Variants in WNK2 observed in about 807,000 individuals in gnomAD.
WNK2 encodes the protein WNK lysine deficient protein kinase 2.
WNK2 carries 67 observed loss-of-function variants against 192.1 expected under a neutral mutation model. The observed-to-expected ratio is 0.35, with a 90% confidence interval of 0.29 to 0.43. WNK2 has a LOEUF of 0.43. WNK2 is among the 20% of genes least tolerant of loss of function. The probability of loss-of-function intolerance (pLI) is 1.00; values close to 1 mark genes in which losing one functional copy is unlikely to be tolerated. For synonymous variants in WNK2, 1,439 were observed against 1,393.9 expected (o/e 1.03, Z -0.72); for missense variants, 2,698 against 3,089.7 (o/e 0.87, Z 3.01).
At chr9:93,191,729 G>A (rs1192109846) in intron 2 of WNK2, among the ~76,000 whole-genome samples, 6 of 152,104 alleles carry the variant, frequency 3.9e-5, no homozygotes, top group Non-Finnish European at 7.4e-5. Flanking sequence ...AGATCTGAAG[G>A]TAGAGAAGGT....
intron 19 of WNK2, among the ~76,000 whole-genome samples, chr9:93,288,446 A>G (rs890814006): frequency 1.8e-4 from 27 of 152,230 alleles, no homozygotes; most frequent in African/African-American, 6.5e-4. Flanking sequence ...GAGGGTGTGG[A>G]CAGACAGATG....
rs567054696 is a variant in WNK2 at position 93,232,589 on chromosome 9, C to T, written c.1075+1481C>T. 1.6e-4 allele frequency among the ~76,000 whole-genome samples: 24 copies of T among 152,330 alleles called. No homozygotes were observed. The South Asian group carries it at 4.6e-3, about 29-fold the overall frequency. ...GATCTCCTACTCAGGAGTGAACACT[C>T]CTGGAGGAAGAAGCACAGCCCACTG... is the stretch of plus-strand genomic sequence containing the variant. On this transcript the variant is annotated intron_variant, in intron 4 of 29. Coordinates refer to ENST00000427277, the MANE Select transcript of WNK2 (RefSeq NM_006648.4).
In WNK2 at chr9:93,261,196, TC is replaced by T. The variant is rs1435436327; in HGVS notation, c.3067-616del. Among the ~76,000 whole-genome samples, 5 of 152,292 alleles carry T rather than the reference TC, an allele frequency of 3.3e-5. 1 individual carries two copies. Among genetic ancestry groups the T allele is most frequent in the Middle Eastern group, 6.8e-3 (2 of 294 alleles). ...CAGCAGGCCCAGTGAATGTGGCTGT[TC>T]CTTCCAGCCCTGAGAGGTGAGAAGT... is the stretch of plus-strand genomic sequence containing the variant. On this transcript the variant is annotated intron_variant, in intron 12 of 29. Coordinates refer to ENST00000427277, the MANE Select transcript of WNK2 (RefSeq NM_006648.4).
chr9:93,185,424 C>T lies in WNK2; in HGVS notation c.495C>T (p.Pro165=), dbSNP rs778461286. The T allele has an allele frequency of 3.7e-6, 6 of 1,610,984 alleles. No homozygotes were observed. Among genetic ancestry groups the T allele is most frequent in the South Asian group, 2.2e-5 (2 of 90,854 alleles). Residue 165 remains proline (P), a synonymous_variant, in exon 2 of 30, where the codon CCC becomes CCT. Transcript: ENST00000427277. ...DEGAAEAKPE[P]GRTRRDEPEE... ...GGGCGGCCGAGGCGAAGCCTGAGCC[C>T]GGGCGCACTCGCCGGGACGAGCCCG...
In WNK2 at chr9:93,216,827, A is replaced by AAC. The variant is rs528226187; in HGVS notation, c.682-12868_682-12867insCA. ...TCGGTCTCAAAACAACAACAACAAC[A>AAC]AACAAACAAACAAACAAAACAAAAA... On this transcript the variant is annotated intron_variant, in intron 2 of 29. Coordinates refer to ENST00000427277, the MANE Select transcript of WNK2 (RefSeq NM_006648.4). Among the ~76,000 whole-genome samples, 230 of 142,706 alleles carry AAC rather than the reference A, an allele frequency of 1.6e-3. 3 individuals carry two copies. In the East Asian group the frequency reaches 0.029, roughly 18 times the overall value. 93.6% of individuals were successfully genotyped at this position (142,706 alleles called of 152,430 possible).
intron 2 of WNK2, among the ~76,000 whole-genome samples, chr9:93,197,418 C>G (rs1019891878): frequency 6.6e-6 from 1 of 152,228 alleles, no homozygotes; most frequent in Non-Finnish European, 1.5e-5. Flanking sequence ...CAATTTCAAT[C>G]CAGAACAGTC....
At chr9:93,285,067 T>TTAC (rs1848257743) in intron 19 of WNK2, among the ~76,000 whole-genome samples, 1 of 152,224 alleles carries the variant, frequency 6.6e-6, no homozygotes, top group African/African-American at 2.4e-5. Flanking sequence ...CCTTTTAGCA[T>TTAC]TACTATTTTT....
At chr9:93,195,699 C>CAAAAAAAAAAAAAAAA (rs59357990) in intron 2 of WNK2, among the ~76,000 whole-genome samples, 34 of 41,658 alleles carry the variant, frequency 8.2e-4, no homozygotes, top group African/African-American at 3.4e-3. Context: ...GACTTTGTCT[C>CAAAAAAAAAAAAAAAA]AAAAAAAAAA....
chr9:93,216,566 C>A (rs2131668083), intron 2 of WNK2, among the ~76,000 whole-genome samples: 1 of 152,188 alleles, frequency 6.6e-6, no homozygotes, highest in African/African-American at 2.4e-5. Context: ...GTCGAGGCTG[C>A]AGTGAGCCAT....
chr9:93,210,318 G>T (rs1226071190), intron 2 of WNK2, among the ~76,000 whole-genome samples: 1 of 151,944 alleles, frequency 6.6e-6, no homozygotes, highest in Non-Finnish European at 1.5e-5. Flanking sequence ...AGGGATGGGG[G>T]ACTGGGGCGT....
At chr9:93,189,794 A>G (rs910964288) in intron 2 of WNK2, among the ~76,000 whole-genome samples, 3 of 152,232 alleles carry the variant, frequency 2.0e-5, no homozygotes, top group Non-Finnish European at 4.4e-5. Flanking sequence ...GCCTTAGGCC[A>G]GGGTTTGGGG....
Position 93,229,710 on chromosome 9 carries a change from C to T in WNK2, c.696C>T (p.Thr232=). 6.2e-7 allele frequency: 1 copy of T among 1,613,162 alleles called. No individual in the cohort carries two copies. The change falls in exon 3 of 30, where the codon ACC becomes ACT. Residue 232 remains threonine, a synonymous_variant. Transcript: ENST00000427277. The surrounding 1 kb of genome is among the most constrained non-coding windows in gnomAD (Gnocchi z 4.9). ...AWCELQDRKL[T]KLERQRFKEE... ...TTGCCCTGTAGGACCGGAAGCTCAC[C>T]AAGCTGGAGCGGCAGCGGTTCAAGG...
rs561657688 is a variant in WNK2 at position 93,196,753 on chromosome 9, G to C, written c.681+11143G>C. Among the ~76,000 whole-genome samples, 4 of 152,296 alleles carry C rather than the reference G, an allele frequency of 2.6e-5. No individual in the cohort carries two copies. In the South Asian group the frequency reaches 8.3e-4, roughly 32 times the overall value. Reference sequence around the variant, plus strand: ...AGCAGGTTATGATCTGTTCTCTGGGGCTGGGCATAGTGAGTTTCTGGGTTT... The same window carrying C: ...AGCAGGTTATGATCTGTTCTCTGGGCCTGGGCATAGTGAGTTTCTGGGTTT... On this transcript the variant is annotated intron_variant, in intron 2 of 29. Transcript: ENST00000427277.
chr9:93,275,064 A>T (rs142326865), intron 19 of WNK2, among the ~76,000 whole-genome samples: 133,455 of 152,196 alleles, frequency 0.88, 59,692 homozygotes, highest in East Asian at 1. Flanking sequence ...CTATATTAAA[A>T]GGACAGTGTG....
At chr9:93,198,218 C>G (rs1266320606) in intron 2 of WNK2, among the ~76,000 whole-genome samples, 1 of 152,216 alleles carries the variant, frequency 6.6e-6, no homozygotes, top group Non-Finnish European at 1.5e-5. Flanking sequence ...TCGCCCAGCT[C>G]CCTCCTCCCT....
Position 93,248,273 on chromosome 9 carries a change from G to C in WNK2, c.1834+439G>C, listed in dbSNP as rs565068664. Among the ~76,000 whole-genome samples the C allele has an allele frequency of 4.6e-5, 7 of 152,374 alleles. No homozygotes were observed. In the East Asian group the frequency reaches 1.3e-3, roughly 29 times the overall value. Reference sequence around the variant, plus strand: ...CTAGGTATGGGTGAGCCTTGTTTCAGTGAAGGGATTGGGGCTTTCTCAGCA... The same window carrying C: ...CTAGGTATGGGTGAGCCTTGTTTCACTGAAGGGATTGGGGCTTTCTCAGCA... On this transcript the variant is annotated intron_variant, in intron 8 of 29. Transcript: ENST00000427277.
chr9:93,243,924 G>C (rs1215817048), intron 7 of WNK2, among the ~76,000 whole-genome samples: 1 of 152,266 alleles, frequency 6.6e-6, no homozygotes, highest in African/African-American at 2.4e-5. Flanking sequence ...CTCTGAGGCT[G>C]CTCTTCTTCC....
intron 23 of WNK2, among the ~76,000 whole-genome samples, chr9:93,296,172 A>T (rs1230680701): frequency 1.6e-4 from 2 of 12,864 alleles, no homozygotes; most frequent in African/African-American, 3.6e-4. Context: ...TCCCCTCACC[A>T]TCCTCCCCTC....
chr9:93,268,972 C>T (rs1394599957), intron 19 of WNK2: 2 of 1,547,510 alleles, frequency 1.3e-6, no homozygotes, highest in African/African-American at 1.4e-5. Flanking sequence ...CCCTGTTACC[C>T]CACCAAGTAG....
Sources: gnomAD v4.1 joint callset for allele counts (sites outside exome capture counted in the v4.1 genomes callset) on GRCh38, gnomAD v4.1.1 for gene constraint, Gnocchi (gnomAD v3.1) non-coding constraint, MANE v1.5 for transcripts, NCBI Gene and HGNC (gene_info 2026-07-23, HGNC 2026-07-21) for gene names.